The following HHIPL1 variants were observed in gnomAD, a reference collection of about 807,000 sequenced individuals.
HHIPL1 encodes the protein HHIP like 1, also known as HHIP-like protein 1.
A neutral mutation model predicts 61.8 loss-of-function variants in HHIPL1; 43 were observed. The observed-to-expected ratio is 0.70, with a 90% CI of 0.55 to 0.90. The LOEUF (loss-of-function observed/expected upper bound fraction) is 0.90. HHIPL1 is among the 40% of genes least tolerant of loss of function. HHIPL1 has a pLI of 0.00. For synonymous variants in HHIPL1, 482 were observed against 515.8 expected (o/e 0.93, Z 0.89); for missense variants, 1,056 against 1,157.7 (o/e 0.91, Z 1.28).
In HHIPL1 at chr14:99,649,135, C is replaced by T. The variant is rs541148696; in HGVS notation, c.256-3089C>T. 1.4e-3 allele frequency among the ~76,000 whole-genome samples: 215 copies of T among 152,292 alleles called. 2 individuals are homozygous for T. The highest frequency in any genetic ancestry group is 3.9e-4 in the East Asian group (2 of 5,172). ...CCTGGTCTGGGCACCACATTTACGT[C>T]GTGTGTAAGTAAGAGTACATAGGCC... On this transcript the variant is annotated intron_variant, in intron 1 of 8. Coordinates refer to ENST00000330710, the MANE Select transcript of HHIPL1 (RefSeq NM_001127258.3).
At chr14:99,667,116 C>T (rs976202522) in intron 6 of HHIPL1, among the ~76,000 whole-genome samples, 1 of 152,218 alleles carries the variant, frequency 6.6e-6, no homozygotes, top group Non-Finnish European at 1.5e-5. Flanking sequence ...CAGCTGAGCT[C>T]TCTGCTATCC....
chr14:99,657,083 T>G lies in HHIPL1; in HGVS notation c.986T>G (p.Phe329Cys). ...LFGDDGYLYI[F>C]TGDGGMAGDP... is the part of the protein sequence containing the mutation. ...GGGGATGACGGGTACCTCTACATCT[T>G]CACTGGAGATGGCGGGATGGCCGGA... Residue 329 changes from phenylalanine to cysteine, a missense_variant, in exon 3 of 9, where the codon TTC (phenylalanine) becomes TGC (cysteine). Phe to Cys is a radical substitution (Grantham distance 205). Coordinates refer to ENST00000330710, the MANE Select transcript of HHIPL1 (RefSeq NM_001127258.3). 2 of 1,613,616 alleles carry G rather than the reference T, an allele frequency of 1.2e-6. No homozygotes were observed. Among genetic ancestry groups the G allele is most frequent in the Non-Finnish European group, 1.7e-6 (2 of 1,179,784 alleles).
the HHIPL1 span, among the ~76,000 whole-genome samples, chr14:99,627,403 T>TCTGCCCATCTAC: frequency 7.9e-5 from 12 of 152,156 alleles, no homozygotes; most frequent in African/African-American, 2.9e-4. This position sits in a 1 kb window ranked among gnomAD's most constrained non-coding sequence, Gnocchi z 4.4. Context: ...TGTCCATTCA[T>TCTGCCCATCTAC]CTGCCCATCT....
the HHIPL1 span, among the ~76,000 whole-genome samples, chr14:99,605,366 A>G: frequency 2.3e-5 from 2 of 88,662 alleles, no homozygotes; most frequent in African/African-American, 7.0e-5. Flanking sequence ...GTCTACCGCC[A>G]GCAGGCGGGG....
chr14:99,651,025 G>T (rs372533493), intron 1 of HHIPL1, among the ~76,000 whole-genome samples: 52 of 152,352 alleles, frequency 3.4e-4, no homozygotes, highest in African/African-American at 1.2e-3. Flanking sequence ...GAAGCGGGAA[G>T]ATGGCTTGAG....
intron 1 of HHIPL1, among the ~76,000 whole-genome samples, chr14:99,648,675 G>A (rs1349591985): frequency 6.6e-6 from 1 of 152,170 alleles, no homozygotes; most frequent in African/African-American, 2.4e-5. Context: ...AGTGCATTGG[G>A]AGCATCCATA....
the HHIPL1 span, among the ~76,000 whole-genome samples, chr14:99,636,176 G>A: frequency 1.3e-5 from 2 of 152,184 alleles, no homozygotes; most frequent in East Asian, 3.9e-4. Context: ...CCCAGGTGGT[G>A]GGTGTGAGTG....
In HHIPL1 at chr14:99,659,662, G is replaced by C; in HGVS notation, c.1281G>C (p.Glu427Asp). The C allele has an allele frequency of 1.3e-6, 2 of 1,541,442 alleles. No homozygotes were observed. The highest frequency in any genetic ancestry group is 1.7e-6 in the Non-Finnish European group (2 of 1,148,504). Residue 427 changes from glutamate (E) to aspartate (D), a missense_variant, in exon 4 of 9, where the codon GAG (glutamate) becomes GAC (aspartate). By Grantham distance (45) the Glu-to-Asp change is conservative. Coordinates refer to ENST00000330710, the MANE Select transcript of HHIPL1 (RefSeq NM_001127258.3). ...ACGTGGGCCAGAACAAGTTCGAGGAGGTGGACGTGGTGGAGCGCGGCGGCA... is the reference window on the plus strand; with the variant it reads ...ACGTGGGCCAGAACAAGTTCGAGGACGTGGACGTGGTGGAGCGCGGCGGCA... Reference protein sequence around the residue: ...CGDVGQNKFEEVDVVERGGNY... With the variant: ...CGDVGQNKFEDVDVVERGGNY...
chr14:99,649,691 A>G (rs1042349820), intron 1 of HHIPL1, among the ~76,000 whole-genome samples: 1 of 152,168 alleles, frequency 6.6e-6, no homozygotes, highest in Non-Finnish European at 1.5e-5. Context: ...GCTACTCTGG[A>G]GGCTGAGGTG....
intron 6 of HHIPL1, among the ~76,000 whole-genome samples, chr14:99,664,857 A>C (rs1396318171): frequency 6.6e-6 from 1 of 152,010 alleles, no homozygotes; most frequent in Non-Finnish European, 1.5e-5. Context: ...ATGACATGAC[A>C]CAGGAGCCCT....
the HHIPL1 span, among the ~76,000 whole-genome samples, chr14:99,608,815 A>G: frequency 6.6e-6 from 1 of 152,166 alleles, no homozygotes; most frequent in South Asian, 2.1e-4. Context: ...AGAGTAAGAA[A>G]CTGAGGCTCA....
chr14:99,654,608 T>C (rs561110532), intron 2 of HHIPL1, among the ~76,000 whole-genome samples: 1 of 152,226 alleles, frequency 6.6e-6, no homozygotes, highest in South Asian at 2.1e-4. Context: ...TGAGGGCAAA[T>C]TGGCAAAGAA....
chr14:99,676,136 G>T lies in HHIPL1; in HGVS notation c.*510G>T. 6.4e-6 allele frequency: 1 copy of T among 155,324 alleles called. No individual in the cohort carries two copies. Among genetic ancestry groups the T allele is most frequent in the Non-Finnish European group, 1.4e-5 (1 of 70,390 alleles). The allele number at this position is 155,324 out of a possible 1,614,324, so 9.6% of individuals were successfully genotyped here. On this transcript the variant is annotated 3_prime_UTR_variant, in exon 9 of 9. Transcript: ENST00000330710. ...GGTGCCCGCATCCCCCCCACCCCCT[G>T]GCAGTCAGAGGCGCTGGAGAGAACC...
In HHIPL1 at chr14:99,652,832, C is replaced by A. The variant is rs567853938; in HGVS notation, c.864C>A (p.Ser288=). ...EWIRISEFRV[S]EDDENAVDHS... ...TCCGCATCAGCGAGTTCAGAGTCTC[C>A]GAGGATGACGAGAACGCCGTGGACC... The change falls in exon 2 of 9, where the codon TCC becomes TCA. Residue 288 remains serine (S), a synonymous_variant. Transcript: ENST00000330710. 4 of 1,614,030 alleles carry A rather than the reference C, an allele frequency of 2.5e-6. No individual in the cohort carries two copies. The South Asian group carries it at 3.3e-5, about 13-fold the overall frequency.
intron 1 of HHIPL1, among the ~76,000 whole-genome samples, chr14:99,649,952 C>G (rs939224206): frequency 4.6e-5 from 7 of 152,236 alleles, no homozygotes; most frequent in African/African-American, 1.7e-4. Context: ...GCACACACGG[C>G]GGCCTGAGGC....
intron 6 of HHIPL1, among the ~76,000 whole-genome samples, chr14:99,667,875 C>T (rs2056271296): frequency 6.6e-6 from 1 of 152,146 alleles, no homozygotes; most frequent in Admixed American, 6.5e-5. Context: ...TCATGTGCGC[C>T]CAGAGGTGTG....
chr14:99,673,016 G>T (rs867377457), intron 8 of HHIPL1, among the ~76,000 whole-genome samples: 1 of 152,208 alleles, frequency 6.6e-6, no homozygotes, highest in African/African-American at 2.4e-5. Context: ...TGCAGTCCTC[G>T]CCTTCTCAGC....
chr14:99,649,699 G>T (rs1206558244), intron 1 of HHIPL1, among the ~76,000 whole-genome samples: 1 of 152,230 alleles, frequency 6.6e-6, no homozygotes, highest in Non-Finnish European at 1.5e-5. Flanking sequence ...GGAGGCTGAG[G>T]TGGGGAGGAT....
the HHIPL1 span, among the ~76,000 whole-genome samples, chr14:99,631,350 C>T: frequency 7.9e-5 from 12 of 152,094 alleles, no homozygotes; most frequent in Non-Finnish European, 7.4e-5. Context: ...GGATTACAGG[C>T]GTGAGCCACC....
Sources: allele counts gnomAD v4.1 joint callset (sites outside exome capture counted in the v4.1 genomes callset), GRCh38; gene constraint gnomAD v4.1.1; non-coding constraint Gnocchi (gnomAD v3.1); transcripts MANE v1.5; gene names NCBI Gene and HGNC (gene_info 2026-07-23, HGNC 2026-07-21).